Variants in SLC17A5 observed in about 807,000 individuals in gnomAD.
SLC17A5 encodes sialin.
A neutral mutation model predicts 59.4 loss-of-function variants in SLC17A5; 47 were observed. That is an observed-to-expected ratio of 0.79 (90% confidence interval 0.63 to 1.01). SLC17A5 has a LOEUF of 1.01. Ranked by LOEUF, SLC17A5 falls within the 50% of genes least tolerant of loss-of-function variation. The pLI, the probability that SLC17A5 is intolerant of heterozygous loss-of-function variation, is 0.00. For synonymous variants in SLC17A5, 202 were observed against 210.7 expected (o/e 0.96, Z 0.36); for missense variants, 522 against 595.5 (o/e 0.88, Z 1.28).
intron 9 of SLC17A5, among the ~76,000 whole-genome samples, chr6:73,607,043 A>G (rs1561986849): frequency 6.6e-6 from 1 of 152,166 alleles, no homozygotes; most frequent in Non-Finnish European, 1.5e-5. Flanking sequence ...AAGCACACCA[A>G]TCATCACTTT....
chr6:73,648,375 C>G (rs1769682987), intron 1 of SLC17A5, among the ~76,000 whole-genome samples: 1 of 152,216 alleles, frequency 6.6e-6, no homozygotes, highest in South Asian at 2.1e-4. Flanking sequence ...CCATCAAAAA[C>G]AAACATCAGC....
At position 73,595,222 on chromosome 6, in the gene SLC17A5, G is replaced by A. The variant is rs770108730; in HGVS notation, c.1351-8C>T. ...CCATTCTCCAACAGTGTTCTATAAAGGAAGACAAAAAATGCAAGTGAAATA... is the reference window on the plus strand; with the variant it reads ...CCATTCTCCAACAGTGTTCTATAAAAGAAGACAAAAAATGCAAGTGAAATA... On this transcript the variant is annotated splice_polypyrimidine_tract_variant and splice_region_variant and intron_variant, in intron 10 of 10. Coordinates refer to ENST00000355773, the MANE Select transcript of SLC17A5 (RefSeq NM_012434.5). 1.9e-6 allele frequency: 3 copies of A among 1,613,828 alleles called. No homozygotes were observed. In the African/African-American group the frequency reaches 4.0e-5, roughly 22 times the overall value.
chr6:73,606,984 C>A (rs1767419695), intron 9 of SLC17A5, among the ~76,000 whole-genome samples: 1 of 152,168 alleles, frequency 6.6e-6, no homozygotes, highest in African/African-American at 2.4e-5. Context: ...CATTTTGGCT[C>A]TTAGTGACCC....
intron 6 of SLC17A5, among the ~76,000 whole-genome samples, chr6:73,632,692 T>C (rs1167568865): frequency 1.3e-5 from 2 of 151,522 alleles, no homozygotes; most frequent in African/African-American, 4.9e-5. Flanking sequence ...TCCTTCCATC[T>C]TGGCCTCCCT....
rs1766726075 is a variant in SLC17A5, at chr6:73,594,951, C to T, written c.*126G>A. 1.0e-6 allele frequency: 1 copy of T among 973,456 alleles called. No individual in the cohort carries two copies. Among genetic ancestry groups the T allele is most frequent in the African/African-American group, 1.6e-5 (1 of 61,640 alleles). 60.3% of individuals were successfully genotyped at this position (973,456 alleles called of 1,614,324 possible). On this transcript the variant is annotated 3_prime_UTR_variant, in exon 11 of 11. Coordinates refer to ENST00000355773, the MANE Select transcript of SLC17A5 (RefSeq NM_012434.5). The stretch of plus-strand genomic sequence containing the variant: ...ACTAGTGATATTTCATGATTATAGG[C>T]CTTAAAAATCTAATACAAGTACAAT...
chr6:73,624,040 C>T, intron 6 of SLC17A5, among the ~76,000 whole-genome samples: 1 of 151,940 alleles, frequency 6.6e-6, no homozygotes, highest in East Asian at 1.9e-4. Context: ...ACTACTTCGC[C>T]AAGCAAAATA....
intron 3 of SLC17A5, among the ~76,000 whole-genome samples, chr6:73,641,086 T>A (rs568046134): frequency 5.9e-4 from 90 of 151,464 alleles, no homozygotes; most frequent in African/African-American, 2.1e-3. Flanking sequence ...ATCTTAACCA[T>A]TTTTTTTTCT....
Position 73,641,706 on chromosome 6 carries a change from T to G in SLC17A5, c.510A>C (p.Leu170=), listed in dbSNP as rs971021026. The G allele has an allele frequency of 3.1e-6, 5 of 1,612,550 alleles. No individual in the cohort carries two copies. The African/African-American group carries it at 5.3e-5, about 17-fold the overall frequency. The part of the protein sequence containing the change: ...GVGPLIVLRA[L]EGLGEGVTFP... ...AGAAAATTACCTCTCCTAGTCCTTC[T>G]AGTGCTCTGAGTACAATGAGTGGTC... The change falls in exon 3 of 11, where the codon CTA becomes CTC. Residue 170 remains leucine, a synonymous_variant. Transcript: ENST00000355773.
rs554114742 is a variant in SLC17A5 at position 73,644,408 on chromosome 6, G to A, written c.290C>T (p.Thr97Met). ...GTTTCCTTAAAAAATAGCACCTACC[G>A]TTTGATTATGATGAACTTTTATGGG... ...SAPIKVHHNQ[T>M]GKKYQWDAET... The change falls in exon 2 of 11, where the codon ACG (threonine) becomes ATG (methionine). Residue 97 changes from threonine to methionine, a missense_variant and splice_region_variant. This residue lies in a region of SLC17A5 where 338 missense variants were observed against 363.8 expected (regional missense o/e 0.93). Coordinates refer to ENST00000355773, the MANE Select transcript of SLC17A5 (RefSeq NM_012434.5). 40 of 1,611,462 alleles carry A rather than the reference G, an allele frequency of 2.5e-5. No homozygotes were observed. In the African/African-American group the frequency reaches 3.9e-4, roughly 16 times the overall value.
chr6:73,652,735 G>A (rs902151775), intron 1 of SLC17A5, among the ~76,000 whole-genome samples: 3 of 100,462 alleles, frequency 3.0e-5, no homozygotes, highest in African/African-American at 5.9e-5. Context: ...ACTAAAATAA[G>A]CTCCCGGCTG....
chr6:73,636,595 T>C, intron 5 of SLC17A5, 26 bp downstream of exon 5: 1 of 1,243,280 alleles, frequency 8.0e-7, no homozygotes, highest in Non-Finnish European at 1.2e-6. Context: ...TGTTACATTA[T>C]AATTTAGTTA....
At chr6:73,610,372 C>G (rs371657411) in intron 9 of SLC17A5, 28 bp downstream of exon 9, 36 of 1,612,368 alleles carry the variant, frequency 2.2e-5, no homozygotes, top group East Asian at 1.6e-4. Flanking sequence ...TAAAGTCAAT[C>G]ACAGCAAATC....
chr6:73,595,408 T>C (rs1766748654), intron 10 of SLC17A5, among the ~76,000 whole-genome samples, 194 bp from the exon 11 acceptor site: 1 of 152,170 alleles, frequency 6.6e-6, no homozygotes, highest in Non-Finnish European at 1.5e-5. Flanking sequence ...GCAATGAGAA[T>C]GGGCTACAAC....
chr6:73,610,516 AG>A lies in SLC17A5; in HGVS notation c.1142del (p.Ala381ValfsTer16). 1.2e-6 allele frequency: 2 copies of A among 1,614,170 alleles called. No individual in the cohort carries two copies. Among genetic ancestry groups the A allele is most frequent in the Non-Finnish European group, 1.7e-6 (2 of 1,180,020 alleles). On this transcript the variant is annotated frameshift_variant, in exon 9 of 11. Coordinates refer to ENST00000355773, the MANE Select transcript of SLC17A5 (RefSeq NM_012434.5). LOFTEE classifies it high-confidence loss of function. The stretch of plus-strand genomic sequence containing the variant: ...AATAATCACAGCCAATGAAGCCAGC[AG>A]CTACCAGGAATACTGCAGGTCCAAT... The part of the protein sequence containing the change: ...GMIGPAVFLV[A>X]AGFIGCDYSL...
At chr6:73,613,371 A>AT (rs34499416) in intron 8 of SLC17A5, among the ~76,000 whole-genome samples, 62,186 of 149,186 alleles carry the variant, frequency 0.42, 13,581 homozygotes, top group African/African-American at 0.56. Context: ...TCTTTTATAA[A>AT]TTTTTTTTTT....
intron 2 of SLC17A5, among the ~76,000 whole-genome samples, chr6:73,643,976 C>T (rs1028677042): frequency 6.6e-6 from 1 of 152,124 alleles, no homozygotes; most frequent in African/African-American, 2.4e-5. Context: ...AAAAGAATGT[C>T]CTAAGAAACT....
intron 10 of SLC17A5, among the ~76,000 whole-genome samples, chr6:73,598,670 G>A (rs1766929090): frequency 6.6e-6 from 1 of 151,748 alleles, no homozygotes; most frequent in African/African-American, 2.4e-5. Context: ...GTAAGTGTGT[G>A]CTTTTCCTTT....
intron 1 of SLC17A5, among the ~76,000 whole-genome samples, chr6:73,646,690 T>TA (rs1769585642): frequency 1.3e-5 from 2 of 151,100 alleles, no homozygotes; most frequent in South Asian, 4.2e-4. Context: ...TTTTTTTTTT[T>TA]AGAGACAGGG....
chr6:73,641,649 GAC>G, intron 3 of SLC17A5, 40 bp downstream of exon 3: 1 of 1,378,348 alleles, frequency 7.3e-7, no homozygotes, highest in Non-Finnish European at 1.0e-6. Flanking sequence ...AAGAGAAGGA[GAC>G]ACACGGTAAG....
Sources: gnomAD v4.1 joint callset for allele counts (sites outside exome capture counted in the v4.1 genomes callset) on GRCh38, gnomAD v4.1.1 for gene constraint, gnomAD v4.1.1 regional missense constraint, MANE v1.5 for transcripts, NCBI Gene and HGNC (gene_info 2026-07-23, HGNC 2026-07-21) for gene names.